Variants in DNAJC6 observed in about 807,000 individuals in gnomAD.
The protein encoded by DNAJC6 is DnaJ heat shock protein family (Hsp40) member C6, also known as auxilin.
Under a neutral mutation model 110.0 loss-of-function variants are expected in DNAJC6, and 34 were observed. That is an observed-to-expected ratio of 0.31 (90% CI 0.24 to 0.41). The LOEUF is 0.41. Among genes scored for constraint, DNAJC6 ranks in the 10% least tolerant of loss-of-function variants. The probability of loss-of-function intolerance (pLI) is 1.00; values close to 1 mark genes in which losing one functional copy is unlikely to be tolerated. For synonymous variants in DNAJC6, 406 were observed against 437.2 expected (o/e 0.93, Z 0.89); for missense variants, 1,031 against 1,207.8 (o/e 0.85, Z 2.17).
Position 65,384,289 on chromosome 1 carries a change from A to G in DNAJC6, c.763A>G (p.Lys255Glu). The change falls in exon 6 of 19, where the codon AAG (lysine) becomes GAG (glutamate). Residue 255 changes from lysine (K) to glutamate (E), a missense_variant. Coordinates refer to ENST00000371069, the MANE Select transcript of DNAJC6 (RefSeq NM_001256864.2). ...CCCAGCCATTCGATTGCTATATGCAAAGCGACCAGGAATTGGACTTTCACC... is the reference window on the plus strand; with the variant it reads ...CCCAGCCATTCGATTGCTATATGCAGAGCGACCAGGAATTGGACTTTCACC... The part of the protein sequence containing the change: ...PGPAIRLLYA[K>E]RPGIGLSPSH... 6.3e-7 allele frequency: 1 copy of G among 1,582,770 alleles called. No homozygotes were observed.
At chr1:65,285,567 C>T (rs1653990024) in intron 1 of DNAJC6, among the ~76,000 whole-genome samples, 2 of 152,094 alleles carry the variant, frequency 1.3e-5, no homozygotes, top group Non-Finnish European at 1.5e-5. Flanking sequence ...ATGATCCTCA[C>T]CCCCCCACCA....
intron 1 of DNAJC6, among the ~76,000 whole-genome samples, chr1:65,330,310 T>G (rs1236255159): frequency 2.0e-5 from 3 of 152,228 alleles, no homozygotes; most frequent in Non-Finnish European, 2.9e-5. Flanking sequence ...GATGCCACTA[T>G]GTACCAGGAA....
intron 16 of DNAJC6, among the ~76,000 whole-genome samples, chr1:65,407,705 C>T (rs1246816103): frequency 6.6e-6 from 1 of 152,168 alleles, no homozygotes; most frequent in Non-Finnish European, 1.5e-5. Flanking sequence ...TCAGCAAATA[C>T]TTATGGAGCA....
chr1:65,385,277 A>T (rs1428746892), intron 6 of DNAJC6, among the ~76,000 whole-genome samples: 2 of 152,236 alleles, frequency 1.3e-5, no homozygotes, highest in Non-Finnish European at 2.9e-5. Context: ...CTGTTTTTAG[A>T]TAACATTGAT....
intron 1 of DNAJC6, among the ~76,000 whole-genome samples, chr1:65,341,147 C>T (rs1207761675): frequency 6.6e-6 from 1 of 152,160 alleles, no homozygotes; most frequent in Non-Finnish European, 1.5e-5. Flanking sequence ...AAGCATCTTG[C>T]ATGAACCTAG....
At chr1:65,319,984 C>T (rs1161041105) in intron 1 of DNAJC6, among the ~76,000 whole-genome samples, 1 of 152,168 alleles carries the variant, frequency 6.6e-6, no homozygotes, top group Non-Finnish European at 1.5e-5. Context: ...AGCCCCATGC[C>T]ATATGCAGAT....
chr1:65,400,611 C>T (rs774041703), intron 14 of DNAJC6, among the ~76,000 whole-genome samples: 1 of 152,154 alleles, frequency 6.6e-6, no homozygotes, highest in Non-Finnish European at 1.5e-5. Flanking sequence ...GCTTATTTCA[C>T]GTAACATAAT....
chr1:65,324,367 G>GT (rs200560982), intron 1 of DNAJC6, among the ~76,000 whole-genome samples: 3,178 of 146,842 alleles, frequency 0.022, 132 homozygotes, highest in African/African-American at 0.074. Flanking sequence ...GTTTTGTTTT[G>GT]TTTTTTTTTT....
In DNAJC6 at chr1:65,374,671, G is replaced by GT. The variant is rs1645742277; in HGVS notation, c.544-4724dup. On this transcript the variant is annotated intron_variant, in intron 4 of 18. Coordinates refer to ENST00000371069, the MANE Select transcript of DNAJC6 (RefSeq NM_001256864.2). Reference sequence around the variant, plus strand: ...CTGAATTCGTTTGTCAGTTCTAACAGTTTTTTTGGTGGAGTGTTTAGGTTT... The same window carrying GT: ...CTGAATTCGTTTGTCAGTTCTAACAGTTTTTTTTGGTGGAGTGTTTAGGTTT... Among the ~76,000 whole-genome samples, 3 of 152,216 alleles carry GT rather than the reference G, an allele frequency of 2.0e-5. No individual in the cohort carries two copies. The South Asian group carries it at 6.2e-4, about 32-fold the overall frequency.
intron 1 of DNAJC6, among the ~76,000 whole-genome samples, chr1:65,315,836 A>G (rs577265319): frequency 6.6e-6 from 1 of 152,312 alleles, no homozygotes; most frequent in African/African-American, 2.4e-5. Context: ...TACGATTGCA[A>G]ATGAAGAATT....
At chr1:65,337,921 C>G (rs978738501) in intron 1 of DNAJC6, among the ~76,000 whole-genome samples, 1 of 152,158 alleles carries the variant, frequency 6.6e-6, no homozygotes, top group African/African-American at 2.4e-5. Flanking sequence ...ATGGGAGCCT[C>G]TGAAGCTAGC....
chr1:65,392,158 A>G (rs887159426), intron 11 of DNAJC6, among the ~76,000 whole-genome samples: 1 of 152,200 alleles, frequency 6.6e-6, no homozygotes, highest in Non-Finnish European at 1.5e-5. Context: ...AGTGTCATAG[A>G]GCCAGTGAGT....
At chr1:65,355,264 CAAAAAAA>C (rs58338708) in intron 1 of DNAJC6, among the ~76,000 whole-genome samples, 3 of 84,232 alleles carry the variant, frequency 3.6e-5, no homozygotes, top group South Asian at 4.1e-4. Context: ...CACCCTGTCT[CAAAAAAA>C]AAAAAAAAAA....
intron 1 of DNAJC6, among the ~76,000 whole-genome samples, chr1:65,303,805 C>A (rs1264114247): frequency 6.6e-6 from 1 of 152,078 alleles, no homozygotes; most frequent in Non-Finnish European, 1.5e-5. Context: ...GAACTCCCGA[C>A]CTCAGGTGAT....
intron 6 of DNAJC6, 148 bp from the exon 7 acceptor site, chr1:65,385,564 T>G (rs754236570): frequency 8.0e-5 from 52 of 653,918 alleles, no homozygotes; most frequent in Non-Finnish European, 1.2e-4. Flanking sequence ...ATTGATCGCA[T>G]TATCTTTTGC....
chr1:65,366,234 C>A (rs375736398), intron 4 of DNAJC6, 38 bp downstream of exon 4: 15 of 1,605,538 alleles, frequency 9.3e-6, no homozygotes, highest in Non-Finnish European at 1.2e-5. Context: ...CTGTTGAAGA[C>A]GTGATGGTGC....
At chr1:65,324,721 T>C (rs1168297899) in intron 1 of DNAJC6, among the ~76,000 whole-genome samples, 2 of 152,228 alleles carry the variant, frequency 1.3e-5, no homozygotes, top group Non-Finnish European at 2.9e-5. Context: ...TGGTTGTCAA[T>C]GAAGGGCTAT....
At chr1:65,312,506 T>C (rs923035384) in intron 1 of DNAJC6, among the ~76,000 whole-genome samples, 2 of 152,236 alleles carry the variant, frequency 1.3e-5, no homozygotes, top group African/African-American at 4.8e-5. Context: ...ATCTGCCCAT[T>C]TATTCAACTG....
intron 1 of DNAJC6, among the ~76,000 whole-genome samples, chr1:65,299,615 A>G (rs866289056): frequency 6.6e-6 from 1 of 152,262 alleles, no homozygotes; most frequent in South Asian, 2.1e-4. Flanking sequence ...TAAGCTCTTT[A>G]TGTACTTTAT....
Sources: gnomAD v4.1 joint callset for allele counts (sites outside exome capture counted in the v4.1 genomes callset) on GRCh38, gnomAD v4.1.1 for gene constraint, MANE v1.5 for transcripts, NCBI Gene and HGNC (gene_info 2026-07-23, HGNC 2026-07-21) for gene names.